OLR1: variants seen among roughly 807,000 people sequenced by gnomAD.
The protein encoded by OLR1 is oxidized low density lipoprotein receptor 1, also known as oxidized low-density lipoprotein receptor 1.
Under a neutral mutation model 31.7 loss-of-function variants are expected in OLR1, and 23 were observed. That is an observed-to-expected ratio of 0.72 (90% CI 0.52 to 1.03). The LOEUF (loss-of-function observed/expected upper bound fraction) is 1.03. Ranked by LOEUF, OLR1 falls within the 50% of genes least tolerant of loss-of-function variation. OLR1 has a pLI of 0.00. For synonymous variants in OLR1, 117 were observed against 115.8 expected, an observed-to-expected ratio of 1.01 and a Z score of -0.07; for missense variants, 286 against 315.7, an observed-to-expected ratio of 0.91 and a Z score of 0.71.
upstream of OLR1, among the ~76,000 whole-genome samples, chr12:10,173,241 T>C (rs962314037): frequency 6.6e-6 from 1 of 152,178 alleles, no homozygotes; most frequent in African/African-American, 2.4e-5. Context: ...TAGAGATGTC[T>C]TCTGAAGGAA....
chr12:10,168,398 G>A (rs1948679869), intron 2 of OLR1, among the ~76,000 whole-genome samples: 1 of 151,754 alleles, frequency 6.6e-6, no homozygotes, highest in Admixed American at 6.6e-5. Context: ...TTTACTTTTG[G>A]GCCTCTCAGA....
chr12:10,172,863 A>G (rs1022466698), upstream of OLR1, among the ~76,000 whole-genome samples: 1 of 152,176 alleles, frequency 6.6e-6, no homozygotes, highest in Non-Finnish European at 1.5e-5. Flanking sequence ...GAAATTAGGG[A>G]TAATGTCTAC....
intron 5 of OLR1, 94 bp downstream of exon 5, chr12:10,160,253 G>C: frequency 9.7e-7 from 1 of 1,036,040 alleles, no homozygotes; most frequent in Non-Finnish European, 1.4e-6. Context: ...GCAAGAAGAG[G>C]ACATTGGTGG....
At chr12:10,160,049 C>T in intron 5 of OLR1, 28 bp from the exon 6 acceptor site, 1 of 1,573,496 alleles carries the variant, frequency 6.4e-7, no homozygotes, top group Non-Finnish European at 8.6e-7. Context: ...CAAAACAAAC[C>T]AACAAAAAAA....
At chr12:10,168,176 G>A (rs142699451) in intron 2 of OLR1, among the ~76,000 whole-genome samples, 79 of 152,086 alleles carry the variant, frequency 5.2e-4, no homozygotes, top group Non-Finnish European at 2.9e-5. Flanking sequence ...GTGAACGTTG[G>A]GCACCATTTT....
intron 4 of OLR1, 146 bp from the exon 5 acceptor site, chr12:10,160,608 G>T: frequency 1.0e-6 from 1 of 975,712 alleles, no homozygotes; most frequent in Non-Finnish European, 1.6e-6. Flanking sequence ...ACTTACTGAA[G>T]GCTAGAGATA....
At position 10,165,125 on chromosome 12, in the gene OLR1, T is replaced by C. The variant is rs1403639577; in HGVS notation, c.424+1587A>G. Reference sequence around the variant, plus strand: ...TAAAAATACAAAAATTAGCCAGGTGTGGTGGCGGGTGCCTCTAATCCCAAC... The same window carrying C: ...TAAAAATACAAAAATTAGCCAGGTGCGGTGGCGGGTGCCTCTAATCCCAAC... On this transcript the variant is annotated intron_variant, in intron 3 of 5. Transcript: ENST00000309539. Among the ~76,000 whole-genome samples the C allele has an allele frequency of 2.0e-5, 3 of 152,232 alleles. No homozygotes were observed. In the South Asian group the frequency reaches 6.2e-4, roughly 32 times the overall value.
intron 3 of OLR1, among the ~76,000 whole-genome samples, chr12:10,164,247 A>T (rs1288758938): frequency 1.3e-5 from 2 of 152,340 alleles, no homozygotes; most frequent in East Asian, 3.9e-4. Flanking sequence ...TAATAGATAA[A>T]CTTTCTCCCT....
rs1948667731 is a variant in OLR1 at position 10,166,916 on chromosome 12, G to T, written c.220C>A (p.Leu74Ile). ...SDLLTQEQAN[L>I]THQKKKLEGQ... The stretch of plus-strand genomic sequence containing the variant: ...TCCAGTTTCTTTTTCTGGTGAGTTA[G>T]GTTTGCTTGCTCTTGTGTTAGGAGG... The change falls in exon 3 of 6, where the codon CTA becomes ATA. Residue 74 changes from leucine (L) to isoleucine (I), a missense_variant. By Grantham distance (5) the Leu-to-Ile change is conservative. Coordinates refer to ENST00000309539, the MANE Select transcript of OLR1 (RefSeq NM_002543.4). 1.9e-6 allele frequency: 3 copies of T among 1,613,448 alleles called. No individual in the cohort carries two copies. Among genetic ancestry groups the T allele is most frequent in the Middle Eastern group, 1.6e-4 (1 of 6,082 alleles).
chr12:10,160,456 T>C lies in OLR1; in HGVS notation c.571A>G (p.Ile191Val), dbSNP rs140784946. 6 of 1,610,658 alleles carry C rather than the reference T, an allele frequency of 3.7e-6. No individual in the cohort carries two copies. In the African/African-American group the frequency reaches 4.0e-5, roughly 11 times the overall value. ...KINSTADLDF[I>V]QQAISYSSFP... ...CTGGAATAGGAAATTGCTTGCTGGA[T>C]GAAGTCCTGTGGGGAGTAATGTTTC... Residue 191 changes from isoleucine (I) to valine (V), a missense_variant, in exon 5 of 6, where the codon ATC becomes GTC. Physicochemically the swap from Ile to Val is conservative, Grantham distance 29. Coordinates refer to ENST00000309539, the MANE Select transcript of OLR1 (RefSeq NM_002543.4).
intron 5 of OLR1, 64 bp downstream of exon 5, chr12:10,160,283 C>A: frequency 7.6e-7 from 1 of 1,311,486 alleles, no homozygotes; most frequent in South Asian, 1.3e-5. Context: ...AGTGACCTCA[C>A]TAGCAGGTTC....
chr12:10,164,135 C>A (rs1303819845), intron 3 of OLR1, among the ~76,000 whole-genome samples: 2 of 152,152 alleles, frequency 1.3e-5, no homozygotes, highest in Admixed American at 1.3e-4. Flanking sequence ...TAGATTTAAT[C>A]CCATACAACT....
At chr12:10,168,732 G>A (rs1403949828) in intron 2 of OLR1, among the ~76,000 whole-genome samples, 2 of 152,280 alleles carry the variant, frequency 1.3e-5, no homozygotes, top group Middle Eastern at 3.4e-3. Flanking sequence ...GACCTCAGGT[G>A]GTCCACCCAC....
chr12:10,161,270 A>G (rs896309461), intron 3 of OLR1, among the ~76,000 whole-genome samples: 2 of 152,202 alleles, frequency 1.3e-5, no homozygotes, highest in African/African-American at 2.4e-5. Flanking sequence ...ACCTAAATGT[A>G]CTTCTCATTT....
chr12:10,161,443 A>G (rs2137503841), intron 3 of OLR1, among the ~76,000 whole-genome samples: 1 of 152,368 alleles, frequency 6.6e-6, no homozygotes, highest in African/African-American at 2.4e-5. Flanking sequence ...TATGCATTTT[A>G]AAATTTCATA....
At chr12:10,173,562 C>T (rs1002369477), upstream of OLR1, among the ~76,000 whole-genome samples, 1 of 151,032 alleles carries the variant, frequency 6.6e-6, no homozygotes, top group African/African-American at 2.4e-5. Flanking sequence ...GGGGGTGGAT[C>T]ACTGAGGTCA....
chr12:10,166,304 G>C (rs1379276692), intron 3 of OLR1, among the ~76,000 whole-genome samples: 1 of 152,094 alleles, frequency 6.6e-6, no homozygotes, highest in Non-Finnish European at 1.5e-5. Context: ...AAGATGGGTG[G>C]ATCACCTGAG....
At chr12:10,173,184 A>G (rs1018585272), upstream of OLR1, among the ~76,000 whole-genome samples, 11 of 152,202 alleles carry the variant, frequency 7.2e-5, no homozygotes, top group African/African-American at 2.7e-4. Flanking sequence ...CTGATAGAAT[A>G]CTTTTCTATT....
At chr12:10,176,048 G>A (rs1308296974), upstream of OLR1, among the ~76,000 whole-genome samples, 1 of 152,214 alleles carries the variant, frequency 6.6e-6, no homozygotes, top group Non-Finnish European at 1.5e-5. Context: ...ATAAGCTAAT[G>A]ATTCACAAGC....
Sources: allele counts gnomAD v4.1 joint callset (sites outside exome capture counted in the v4.1 genomes callset), GRCh38; gene constraint gnomAD v4.1.1; transcripts MANE v1.5; gene names NCBI Gene and HGNC (gene_info 2026-07-23, HGNC 2026-07-21).